STXBP5: variants seen among roughly 807,000 people sequenced by gnomAD.
The protein encoded by STXBP5 is syntaxin-binding protein 5.
Under a neutral mutation model 152.4 loss-of-function variants are expected in STXBP5, and 50 were observed. The ratio of observed to expected loss-of-function variants is 0.33; its 90% CI spans 0.26 to 0.42. The LOEUF (loss-of-function observed/expected upper bound fraction) is 0.42. STXBP5 is among the 10% of genes least tolerant of loss of function. The probability of loss-of-function intolerance (pLI) is 1.00; values close to 1 mark genes in which losing one functional copy is unlikely to be tolerated. For missense variants in STXBP5, 1,167 were observed against 1,388.6 expected (o/e 0.84, Z 2.54); for synonymous variants, 492 against 494.7 (o/e 0.99, Z 0.07).
intron 4 of STXBP5, among the ~76,000 whole-genome samples, chr6:147,243,162 C>T (rs1778634233): frequency 6.6e-6 from 1 of 152,116 alleles, no homozygotes; most frequent in Non-Finnish European, 1.5e-5. Context: ...TGAAAACTGC[C>T]AAGCTGTCTT....
chr6:147,209,879 G>A (rs1219616496), intron 2 of STXBP5, among the ~76,000 whole-genome samples: 1 of 152,156 alleles, frequency 6.6e-6, no homozygotes, highest in Non-Finnish European at 1.5e-5. Context: ...GAGTTTGGAG[G>A]AATACTAATG....
At chr6:147,336,034 ATTC>A (rs1484180917) in intron 19 of STXBP5, among the ~76,000 whole-genome samples, 2 of 152,220 alleles carry the variant, frequency 1.3e-5, no homozygotes, top group Non-Finnish European at 2.9e-5. Context: ...TAAATCATGT[ATTC>A]TTATCATTAG....
intron 26 of STXBP5, among the ~76,000 whole-genome samples, chr6:147,374,992 T>C (rs1034733117): frequency 6.6e-5 from 10 of 152,180 alleles, no homozygotes; most frequent in African/African-American, 2.2e-4. Flanking sequence ...TTAAGATTTT[T>C]CCAGACTGCT....
intron 16 of STXBP5, among the ~76,000 whole-genome samples, chr6:147,319,194 A>T (rs558259346): frequency 6.6e-6 from 1 of 152,222 alleles, no homozygotes; most frequent in Non-Finnish European, 1.5e-5. Context: ...GTTGTTTTTT[A>T]AAAAACAGTC....
intron 21 of STXBP5, among the ~76,000 whole-genome samples, chr6:147,341,763 C>CT (rs149558305): frequency 2.6e-4 from 38 of 147,596 alleles, no homozygotes; most frequent in South Asian, 1.5e-3. Context: ...ACCACCCTAC[C>CT]TTTTTTTTTT....
chr6:147,351,876 C>A (rs1040813513), intron 21 of STXBP5: 1 of 985,278 alleles, frequency 1.0e-6, no homozygotes, highest in East Asian at 1.1e-4. Context: ...GTTTACATGG[C>A]GCCCTTATGG....
intron 7 of STXBP5, among the ~76,000 whole-genome samples, chr6:147,274,560 G>A (rs1356055911): frequency 2.0e-5 from 3 of 151,968 alleles, no homozygotes; most frequent in Non-Finnish European, 4.4e-5. Context: ...AAAATACTAG[G>A]ACAAAAGCTG....
intron 2 of STXBP5, among the ~76,000 whole-genome samples, chr6:147,219,641 C>G (rs1283820469): frequency 6.6e-6 from 1 of 151,934 alleles, no homozygotes; most frequent in Non-Finnish European, 1.5e-5. Flanking sequence ...GTTGGTCGGT[C>G]CATTTCATCT....
At position 147,204,707 on chromosome 6, in the gene STXBP5, A is replaced by G. The variant is rs1413715364; in HGVS notation, c.150+25A>G. The stretch of plus-strand genomic sequence containing the variant: ...GGTGAACGGAGCGCGCAGCCCCGCG[A>G]CACCGTCATTGAAAAATTGGGGTTG... On this transcript the variant is annotated intron_variant, in intron 1 of 27. Transcript: ENST00000321680. The surrounding 1 kb of genome is among the most constrained non-coding windows in gnomAD (Gnocchi z 4.3). The G allele has an allele frequency of 1.3e-6, 2 of 1,533,072 alleles. No homozygotes were observed. The highest frequency in any genetic ancestry group is 4.1e-5 in the Admixed American group (2 of 48,638). 95.0% of individuals were successfully genotyped at this position (1,533,072 alleles called of 1,614,324 possible).
At chr6:147,341,705 A>G (rs1443315858) in intron 21 of STXBP5, among the ~76,000 whole-genome samples, 1 of 151,660 alleles carries the variant, frequency 6.6e-6, no homozygotes, top group Non-Finnish European at 1.5e-5. Context: ...GGTGGGTGGT[A>G]CAGGATGGCA....
At chr6:147,260,092 A>G (rs745406951) in intron 4 of STXBP5, among the ~76,000 whole-genome samples, 2 of 152,322 alleles carry the variant, frequency 1.3e-5, no homozygotes, top group East Asian at 3.9e-4. Context: ...ACAATCATAT[A>G]AGGCAAGCCT....
chr6:147,221,647 T>C (rs938048372), intron 2 of STXBP5, among the ~76,000 whole-genome samples: 6 of 151,934 alleles, frequency 3.9e-5, no homozygotes, highest in African/African-American at 1.4e-4. Flanking sequence ...TTTGCACCTC[T>C]GTTGGTAAGG....
At chr6:147,225,792 A>C (rs1426871185) in intron 2 of STXBP5, among the ~76,000 whole-genome samples, 1 of 152,166 alleles carries the variant, frequency 6.6e-6, no homozygotes, top group East Asian at 1.9e-4. Context: ...TCCCACAGGG[A>C]AAAATAAGCA....
Position 147,317,404 on chromosome 6 carries a change from T to C in STXBP5, c.1802+997T>C, listed in dbSNP as rs575496470. 3.2e-4 allele frequency among the ~76,000 whole-genome samples: 48 copies of C among 152,266 alleles called. No homozygotes were observed. In the South Asian group the frequency reaches 3.5e-3, roughly 11 times the overall value. On this transcript the variant is annotated intron_variant, in intron 16 of 27. Transcript: ENST00000321680. ...TTTACAAAAATTGAAGGTCATGTAG[T>C]CTAAGCTGGTGGCTCTCATTTGCAT...
At chr6:147,252,994 A>ATCTACAACCATCACCCT (rs1779175134) in intron 4 of STXBP5, among the ~76,000 whole-genome samples, 7 of 152,198 alleles carry the variant, frequency 4.6e-5, no homozygotes, top group Admixed American at 3.3e-4. Flanking sequence ...ACAACCTTTC[A>ATCTACAACCATCACCCT]GAGACACAAC....
intron 16 of STXBP5, among the ~76,000 whole-genome samples, chr6:147,319,284 C>T (rs1409496269): frequency 1.6e-4 from 24 of 151,966 alleles, no homozygotes; most frequent in Non-Finnish European, 4.4e-5. Flanking sequence ...CTTACCCAAA[C>T]CACTCTTCTC....
intron 25 of STXBP5, among the ~76,000 whole-genome samples, chr6:147,372,782 C>T (rs962529309): frequency 2.0e-4 from 31 of 151,916 alleles, no homozygotes; most frequent in African/African-American, 7.2e-4. Context: ...TTTGTATTGT[C>T]AACAAAACCA....
intron 18 of STXBP5, among the ~76,000 whole-genome samples, chr6:147,330,860 C>T (rs1783533380): frequency 6.6e-6 from 1 of 152,186 alleles, no homozygotes; most frequent in African/African-American, 2.4e-5. Flanking sequence ...TAGGCCAAAA[C>T]CAGCCTAGTG....
At chr6:147,252,836 AAGC>A (rs1779166273) in intron 4 of STXBP5, among the ~76,000 whole-genome samples, 1 of 152,190 alleles carries the variant, frequency 6.6e-6, no homozygotes, top group Admixed American at 6.5e-5. Context: ...CAACCAAAGA[AAGC>A]CCAGGACCAA....
Sources: gnomAD v4.1 joint callset for allele counts (sites outside exome capture counted in the v4.1 genomes callset) on GRCh38, gnomAD v4.1.1 for gene constraint, Gnocchi (gnomAD v3.1) non-coding constraint, MANE v1.5 for transcripts, NCBI Gene and HGNC (gene_info 2026-07-23, HGNC 2026-07-21) for gene names.